The following HIP1 variants were observed in gnomAD, a reference collection of about 807,000 sequenced individuals.
The protein encoded by HIP1 is huntingtin-interacting protein 1.
In HIP1, 65 loss-of-function variants were observed where a neutral mutation model predicts 147.6. The ratio of observed to expected loss-of-function variants is 0.44; its 90% confidence interval spans 0.36 to 0.54. The LOEUF (loss-of-function observed/expected upper bound fraction) is 0.54, where lower values mean the gene tolerates loss of function less well. Ranked by LOEUF, HIP1 falls within the 20% of genes least tolerant of loss-of-function variation. The pLI is 0.00. For missense variants in HIP1, 1,061 were observed against 1,299.6 expected (o/e 0.82, Z 2.82); for synonymous variants, 479 against 504.0 (o/e 0.95, Z 0.67).
intron 1 of HIP1, among the ~76,000 whole-genome samples, chr7:75,664,017 CACATAT>C: frequency 1.4e-5 from 1 of 71,518 alleles, no homozygotes; most frequent in East Asian, 4.4e-4. Flanking sequence ...TATATATATA[CACATAT>C]ATGTGTATAT....
chr7:75,583,932 A>G (rs1796156378), intron 5 of HIP1, among the ~76,000 whole-genome samples: 1 of 147,266 alleles, frequency 6.8e-6, no homozygotes, highest in Non-Finnish European at 1.5e-5. Context: ...CCAGCCAGAG[A>G]ATGAATTTTT....
chr7:75,606,984 C>T (rs976544500), intron 1 of HIP1, among the ~76,000 whole-genome samples: 21 of 152,038 alleles, frequency 1.4e-4, no homozygotes, highest in African/African-American at 4.8e-4. Context: ...AATCCCAGCA[C>T]TTTGGGAGGT....
intron 1 of HIP1, among the ~76,000 whole-genome samples, chr7:75,715,129 C>T (rs1348707064): frequency 6.6e-6 from 1 of 152,188 alleles, no homozygotes; most frequent in African/African-American, 2.4e-5. Flanking sequence ...GAGGCTCACA[C>T]CTGTAATCCC....
intron 1 of HIP1, among the ~76,000 whole-genome samples, chr7:75,673,663 G>A (rs1310069784): frequency 6.6e-6 from 1 of 151,726 alleles, no homozygotes; most frequent in Non-Finnish European, 1.5e-5. Context: ...TTCATAGCTA[G>A]CATATAGAAA....
chr7:75,727,340 C>T (rs1246854845), intron 1 of HIP1, among the ~76,000 whole-genome samples: 2 of 151,850 alleles, frequency 1.3e-5, no homozygotes, highest in African/African-American at 4.8e-5. Context: ...AAGGGATCCG[C>T]CCACCTCAGC....
At chr7:75,696,354 T>C (rs1554518739) in intron 1 of HIP1, among the ~76,000 whole-genome samples, 3 of 152,070 alleles carry the variant, frequency 2.0e-5, no homozygotes. Context: ...CCTCTCTCAT[T>C]TTCTTTGTCC....
intron 1 of HIP1, among the ~76,000 whole-genome samples, chr7:75,679,681 T>TTCCTG (rs1800003205): frequency 6.6e-6 from 1 of 152,184 alleles, no homozygotes; most frequent in Non-Finnish European, 1.5e-5. Context: ...TTAATTTTCT[T>TTCCTG]GTTTGGCTTC....
At position 75,573,921 on chromosome 7, in the gene HIP1, G is replaced by C. The variant is rs1246015261; in HGVS notation, c.605-20C>G. On this transcript the variant is annotated intron_variant, in intron 7 of 30. Transcript: ENST00000336926. ...TGAATACTAGGAAATAAAAGTGAGGGAGAAAGGTGGTAGAGCCAGGGGATT... is the reference window on the plus strand; with the variant it reads ...TGAATACTAGGAAATAAAAGTGAGGCAGAAAGGTGGTAGAGCCAGGGGATT... 6.2e-7 allele frequency: 1 copy of C among 1,603,012 alleles called. No homozygotes were observed. Among genetic ancestry groups the C allele is most frequent in the Non-Finnish European group, 8.5e-7 (1 of 1,171,354 alleles).
At position 75,548,985 on chromosome 7, in the gene HIP1, C is replaced by T. The variant is rs1171721514; in HGVS notation, c.2312G>A (p.Gly771Glu). ...KAIGEELLPR[G>E]LDIKQEELGD... Reference sequence around the variant, plus strand: ...CAGCTCCTCCTGCTTGATGTCCAGTCCCCTGGGCAGGAGCTCCTGTGAACA... The same window carrying T: ...CAGCTCCTCCTGCTTGATGTCCAGTTCCCTGGGCAGGAGCTCCTGTGAACA... Residue 771 changes from glycine to glutamate, a missense_variant, in exon 23 of 31, where the codon GGA (glycine) becomes GAA (glutamate). This residue lies in a region of HIP1 where 810 missense variants were observed against 946.8 expected (regional missense o/e 0.86). Transcript: ENST00000336926. 5.6e-6 allele frequency: 9 copies of T among 1,613,176 alleles called. No homozygotes were observed. Among genetic ancestry groups the T allele is most frequent in the East Asian group, 2.2e-5 (1 of 44,886 alleles).
At chr7:75,609,039 C>T (rs1797330386) in intron 1 of HIP1, among the ~76,000 whole-genome samples, 1 of 152,138 alleles carries the variant, frequency 6.6e-6, no homozygotes, top group Non-Finnish European at 1.5e-5. Context: ...AGTATGAATC[C>T]AGTGCAACTG....
chr7:75,610,203 C>T (rs1262622768), intron 1 of HIP1, among the ~76,000 whole-genome samples: 10 of 133,040 alleles, frequency 7.5e-5, no homozygotes, highest in Non-Finnish European at 1.1e-4. Context: ...TCATCCAGCC[C>T]TTTTTTTTTT....
intron 27 of HIP1, among the ~76,000 whole-genome samples, chr7:75,544,437 ACGT>A (rs1383267142): frequency 6.6e-6 from 1 of 151,812 alleles, no homozygotes; most frequent in African/African-American, 2.4e-5. Context: ...GTACTATCTA[ACGT>A]AGCCAAGTAT....
At chr7:75,718,419 T>C (rs990015639) in intron 1 of HIP1, among the ~76,000 whole-genome samples, 1 of 152,018 alleles carries the variant, frequency 6.6e-6, no homozygotes, top group African/African-American at 2.4e-5. Context: ...CAAAAAATGG[T>C]TGGAGAAGGA....
chr7:75,563,129 C>A, intron 10 of HIP1, 54 bp from the exon 11 acceptor site: 1 of 1,613,962 alleles, frequency 6.2e-7, no homozygotes, highest in Non-Finnish European at 8.5e-7. Flanking sequence ...CCCCGCCGGC[C>A]CTTAAGAGAG....
At chr7:75,611,253 G>A (rs1440034857) in intron 1 of HIP1, among the ~76,000 whole-genome samples, 1 of 151,794 alleles carries the variant, frequency 6.6e-6, no homozygotes, top group Non-Finnish European at 1.5e-5. Flanking sequence ...GATTACTTGA[G>A]GTTCGGAGTT....
At chr7:75,724,362 C>T (rs1209667685) in intron 1 of HIP1, among the ~76,000 whole-genome samples, 1 of 152,186 alleles carries the variant, frequency 6.6e-6, no homozygotes, top group Non-Finnish European at 1.5e-5. Context: ...ATTCTCCTGC[C>T]TCAGCCTTCT....
chr7:75,672,664 A>G (rs894939642), intron 1 of HIP1, among the ~76,000 whole-genome samples: 1 of 152,092 alleles, frequency 6.6e-6, no homozygotes, highest in Non-Finnish European at 1.5e-5. Flanking sequence ...TGAAGCAAAA[A>G]CATTTGTAAT....
At chr7:75,681,489 A>T (rs1360573285) in intron 1 of HIP1, among the ~76,000 whole-genome samples, 1 of 125,166 alleles carries the variant, frequency 8.0e-6, no homozygotes, top group Admixed American at 9.4e-5. Context: ...ACAGCACCAC[A>T]GCACCTGCTT....
At chr7:75,600,848 A>C (rs1173801882) in intron 1 of HIP1, among the ~76,000 whole-genome samples, 3 of 151,594 alleles carry the variant, frequency 2.0e-5, no homozygotes, top group Non-Finnish European at 2.9e-5. Flanking sequence ...ACAGCCTCCA[A>C]CTCCTGGGCT....
Sources: gnomAD v4.1 joint callset for allele counts (sites outside exome capture counted in the v4.1 genomes callset) on GRCh38, gnomAD v4.1.1 for gene constraint, gnomAD v4.1.1 regional missense constraint, MANE v1.5 for transcripts, NCBI Gene and HGNC (gene_info 2026-07-23, HGNC 2026-07-21) for gene names.